MUC4: variants seen among roughly 807,000 people sequenced by gnomAD.
MUC4 encodes the protein mucin-4.
MUC4 carries 202 observed loss-of-function variants against 257.9 expected under a neutral mutation model. The observed-to-expected ratio is 0.78, with a 90% CI of 0.70 to 0.88. MUC4 has a LOEUF of 0.88. MUC4 is among the 40% of genes least tolerant of loss of function. The pLI is 0.00. For synonymous variants in MUC4, 2,351 were observed against 2,757.1 expected (o/e 0.85, Z 4.62); for missense variants, 5,976 against 6,513.7 (o/e 0.92, Z 2.84).
chr3:195,786,450 G>T lies in MUC4; in HGVS notation c.5130C>A (p.Ala1710=). The T allele has an allele frequency of 6.5e-7, 1 of 1,531,102 alleles. No individual in the cohort carries two copies. Among genetic ancestry groups the T allele is most frequent in the South Asian group, 1.2e-5 (1 of 83,240 alleles). 94.8% of individuals were successfully genotyped at this position (1,531,102 alleles called of 1,614,324 possible). Residue 1710 remains alanine (A), a synonymous_variant, in exon 2 of 25, where the codon GCC becomes GCA. Transcript: ENST00000463781. ...AAAGGCTGGTGACAGGAAGAGGGGT[G>T]GCCTGACCTGTGGATGCCGAGGAAA... ...TDVSSASTGQ[A]TPLPVTSLSS... is the part of the protein sequence containing the mutation.
chr3:195,777,808 ACCC>A, intron 3 of MUC4, among the ~76,000 whole-genome samples: 4 of 39,904 alleles, frequency 1.0e-4, no homozygotes, highest in South Asian at 9.2e-4. Context: ...TACCTTCCAC[ACCC>A]ATACCTTCCA....
chr3:195,757,716 G>C lies in MUC4; in HGVS notation c.14987-388C>G, dbSNP rs994858488. On this transcript the variant is annotated intron_variant, in intron 17 of 24. Coordinates refer to ENST00000463781, the MANE Select transcript of MUC4 (RefSeq NM_018406.7). This position sits in a 1 kb window ranked among gnomAD's most constrained non-coding sequence, Gnocchi z 4.8. ...CCGGCCAAACTGGCTTCACTCTCAC[G>C]GCAGCCCCATCCTTTGCCCTGATTT... is the stretch of plus-strand genomic sequence containing the variant. Among the ~76,000 whole-genome samples, 4 of 152,038 alleles carry C rather than the reference G, an allele frequency of 2.6e-5. No individual in the cohort carries two copies. The highest frequency in any genetic ancestry group is 5.9e-5 in the Non-Finnish European group (4 of 68,002).
chr3:195,750,859 C>T, intron 23 of MUC4, 30 bp downstream of exon 23: 1 of 1,604,786 alleles, frequency 6.2e-7, no homozygotes, highest in Non-Finnish European at 8.5e-7. Flanking sequence ...GCAGTGACCC[C>T]CATAGTGTCC....
chr3:195,794,373 TAGAGAG>T (rs6148255), intron 1 of MUC4, among the ~76,000 whole-genome samples: 1 of 148,794 alleles, frequency 6.7e-6, no homozygotes, highest in African/African-American at 2.5e-5. Flanking sequence ...CATATATATA[TAGAGAG>T]AGAGAGAGAG....
rs191025934 is a variant in MUC4, at chr3:195,799,292, G to C, written c.83-7795C>G. ...GTGTGTGTGTGTCCCTGCCCTTATG[G>C]AACATTGGACATAGCCTTTAAACAT... On this transcript the variant is annotated intron_variant, in intron 1 of 24. Transcript: ENST00000463781. Among the ~76,000 whole-genome samples, 292 of 146,966 alleles carry C rather than the reference G, an allele frequency of 2.0e-3. 1 individual carries two copies. Among genetic ancestry groups the C allele is most frequent in the African/African-American group, 7.2e-3 (287 of 39,886 alleles).
chr3:195,807,666 A>C (rs530491349), intron 1 of MUC4, among the ~76,000 whole-genome samples: 2 of 152,304 alleles, frequency 1.3e-5, no homozygotes, highest in South Asian at 4.1e-4. Flanking sequence ...GGGGAGAGAG[A>C]GCCTATAAGG....
At position 195,753,035 on chromosome 3, in the gene MUC4, G is replaced by A; in HGVS notation, c.15508+16C>T. 2.5e-6 allele frequency: 4 copies of A among 1,606,752 alleles called. No homozygotes were observed. Among genetic ancestry groups the A allele is most frequent in the Non-Finnish European group, 3.4e-6 (4 of 1,176,886 alleles). On this transcript the variant is annotated intron_variant, in intron 20 of 24. Transcript: ENST00000463781. ...GGAAGAGTGCGGGGGTGAGAGGGCG[G>A]GGTCTCTGGCGGTACCTAGGTTGAC... is the stretch of plus-strand genomic sequence containing the variant.
At position 195,810,956 on chromosome 3, in the gene MUC4, G is replaced by T. The variant is rs951583358; in HGVS notation, c.82+780C>A. 4.0e-5 allele frequency among the ~76,000 whole-genome samples: 6 copies of T among 151,716 alleles called. No homozygotes were observed. The highest frequency in any genetic ancestry group is 8.8e-5 in the Non-Finnish European group (6 of 67,976). ...TCTGGCTCTGCCTGTCTTTCTCTCT[G>T]CGAGTAAGCCTGGGCTCTCACCATG... is the stretch of plus-strand genomic sequence containing the variant. On this transcript the variant is annotated intron_variant, in intron 1 of 24. Coordinates refer to ENST00000463781, the MANE Select transcript of MUC4 (RefSeq NM_018406.7). This position sits in a 1 kb window ranked among gnomAD's most constrained non-coding sequence, Gnocchi z 4.2.
intron 16 of MUC4, among the ~76,000 whole-genome samples, chr3:195,760,056 C>T (rs1314978194): frequency 6.6e-6 from 1 of 152,168 alleles, no homozygotes; most frequent in Non-Finnish European, 1.5e-5. Context: ...ATAGTTGCTT[C>T]ACACATTCAT....
Position 195,754,202 on chromosome 3 carries a change from T to C in MUC4, c.15328+11A>G, listed in dbSNP as rs1262455562. The stretch of plus-strand genomic sequence containing the variant: ...CAGAAGCGCCTGCTCCAGGCCCTGT[T>C]CCCGGCTCACCCGCACAGTGCCGCC... On this transcript the variant is annotated intron_variant, in intron 19 of 24. Coordinates refer to ENST00000463781, the MANE Select transcript of MUC4 (RefSeq NM_018406.7). The C allele has an allele frequency of 2.5e-6, 4 of 1,607,060 alleles. No individual in the cohort carries two copies. Among genetic ancestry groups the C allele is most frequent in the East Asian group, 4.5e-5 (2 of 44,574 alleles).
chr3:195,794,513 C>A (rs936686401), intron 1 of MUC4, among the ~76,000 whole-genome samples: 4 of 152,172 alleles, frequency 2.6e-5, no homozygotes, highest in African/African-American at 9.7e-5. Flanking sequence ...CAGGCACACA[C>A]AACCATGCCT....
rs540993686 is a variant in MUC4, at chr3:195,769,150, G to T, written c.13401C>A (p.Ser4467Arg). The change falls in exon 7 of 25, where the codon AGC (serine) becomes AGA (arginine). Residue 4467 changes from serine to arginine, a missense_variant and splice_region_variant. Physicochemically the swap from Ser to Arg is moderately radical, Grantham distance 110. This residue lies in a region of MUC4 where 996 missense variants were observed against 1,137.3 expected (regional missense o/e 0.88). Coordinates refer to ENST00000463781, the MANE Select transcript of MUC4 (RefSeq NM_018406.7). ...TGGAGAGGATGGCTTGGTAGGTGTT[G>T]CTCTGGGGGTGGGTGGAAGAAAACA... ...HAYPAQWTLG[S>R]NTYQAILSTD... 1.2e-6 allele frequency: 2 copies of T among 1,614,036 alleles called. No individual in the cohort carries two copies. The highest frequency in any genetic ancestry group is 2.7e-5 in the African/African-American group (2 of 75,052).
In MUC4 at chr3:195,789,272, T is replaced by C; in HGVS notation, c.2308A>G (p.Met770Val). ...CTCTCAGCCTGGTGGGTATGGGTCATGGCTGCTGCTGTGTCAGGTGAGGTG... is the reference window on the plus strand; with the variant it reads ...CTCTCAGCCTGGTGGGTATGGGTCACGGCTGCTGCTGTGTCAGGTGAGGTG... The part of the protein sequence containing the change: ...ASTSPDTAAA[M>V]THTHQAESTE... The change falls in exon 2 of 25, where the codon ATG becomes GTG. Residue 770 changes from methionine to valine, a missense_variant. This residue lies in a region of MUC4 where 1,583 missense variants were observed against 1,257.4 expected (regional missense o/e 1.26). Transcript: ENST00000463781. 6.2e-7 allele frequency: 1 copy of C among 1,613,958 alleles called. No homozygotes were observed. The highest frequency in any genetic ancestry group is 8.5e-7 in the Non-Finnish European group (1 of 1,179,868).
Position 195,760,605 on chromosome 3 carries a change from A to C in MUC4, c.14848+279T>G, listed in dbSNP as rs9714060. Among the ~76,000 whole-genome samples, 16 of 28,676 alleles carry C rather than the reference A, an allele frequency of 5.6e-4. No homozygotes were observed. The South Asian group carries it at 0.014, about 26-fold the overall frequency. The allele number at this position is 28,676 out of a possible 152,430, so 18.8% of individuals were successfully genotyped here. ...AGGCGTCCAGCGCTAGTATGGAGTG[A>C]AGGGGGCTGGGAAGGCATCCAGCGC... On this transcript the variant is annotated intron_variant, in intron 16 of 24. Transcript: ENST00000463781.
At position 195,778,927 on chromosome 3, in the gene MUC4, G is replaced by A; in HGVS notation, c.12653C>T (p.Ser4218Phe). 1 of 1,518,222 alleles carries A rather than the reference G, an allele frequency of 6.6e-7. No individual in the cohort carries two copies. 94.0% of individuals were successfully genotyped at this position (1,518,222 alleles called of 1,614,324 possible). ...PLPVTDTSSA[S>F]TGHATPLPVT... ...AGGAAGAGGGGTGGCGTGACCTGTG[G>A]ATGCTGAGGAAGTGTCGGTGACAGG... The change falls in exon 2 of 25, where the codon TCC becomes TTC. Residue 4218 changes from serine (S) to phenylalanine (F), a missense_variant. By Grantham distance (155) the Ser-to-Phe change is radical. Coordinates refer to ENST00000463781, the MANE Select transcript of MUC4 (RefSeq NM_018406.7).
At chr3:195,767,681 T>C (rs1560263316) in intron 7 of MUC4, among the ~76,000 whole-genome samples, 15 of 1,076 alleles carry the variant, frequency 0.014, 1 homozygote, top group Admixed American at 0.025. Flanking sequence ...ATCACCACCA[T>C]CACTGGCCAC....
In MUC4 at chr3:195,779,774, G is replaced by T. The variant is rs767738374; in HGVS notation, c.11806C>A (p.Pro3936Thr). 4 of 1,086,662 alleles carry T rather than the reference G, an allele frequency of 3.7e-6. 1 individual carries two copies. Among genetic ancestry groups the T allele is most frequent in the Admixed American group, 5.3e-5 (2 of 37,668 alleles). The allele number at this position is 1,086,662 out of a possible 1,614,324, so 67.3% of individuals were successfully genotyped here. A position where few individuals can be genotyped will look rare whatever the true frequency, so the allele number is the denominator to read the frequency against. The change falls in exon 2 of 25, where the codon CCT becomes ACT. Residue 3936 changes from proline (P) to threonine (T), a missense_variant. By Grantham distance (38) the Pro-to-Thr change is conservative (BLOSUM62 -1). Coordinates refer to ENST00000463781, the MANE Select transcript of MUC4 (RefSeq NM_018406.7). ...VSSASTGHAT[P>T]LPVTSTSSAS... ...GAGGAAGTGCTGGTGACAGGAAGAG[G>T]GGTGGCATGTCCTGTGGATGCCGAG...
Position 195,755,653 on chromosome 3 carries a change from C to T in MUC4, c.15169-1281G>A, listed in dbSNP as rs999548819. On this transcript the variant is annotated intron_variant, in intron 18 of 24. Coordinates refer to ENST00000463781, the MANE Select transcript of MUC4 (RefSeq NM_018406.7). The surrounding 1 kb of genome is among the most constrained non-coding windows in gnomAD (Gnocchi z 5.0). ...TTCTAACTCCCTTACTGAAGCGACT[C>T]GGGGAATCTCCCTAAAATGGAATCC... Among the ~76,000 whole-genome samples, 6 of 152,110 alleles carry T rather than the reference C, an allele frequency of 3.9e-5. No homozygotes were observed. Among genetic ancestry groups the T allele is most frequent in the Non-Finnish European group, 7.3e-5 (5 of 68,028 alleles).
chr3:195,778,427 G>A lies in MUC4; in HGVS notation c.12819C>T (p.Asp4273=), dbSNP rs766537013. ...PGMTTPSLKT[D]GGRRTATSPP... ...GTGATGTGGCTGTGCGTCTCCCACC[G>A]TCTGTCTTCAGTGACGGTGTTGTCA... The change falls in exon 3 of 25, where the codon GAC becomes GAT. Residue 4273 remains aspartate (D), a synonymous_variant. Coordinates refer to ENST00000463781, the MANE Select transcript of MUC4 (RefSeq NM_018406.7). 36 of 1,612,812 alleles carry A rather than the reference G, an allele frequency of 2.2e-5. No homozygotes were observed. In the Admixed American group the frequency reaches 2.3e-4, roughly 10 times the overall value.
Sources: gnomAD v4.1 joint callset for allele counts (sites outside exome capture counted in the v4.1 genomes callset) on GRCh38, gnomAD v4.1.1 for gene constraint, gnomAD v4.1.1 regional missense constraint, Gnocchi (gnomAD v3.1) non-coding constraint, MANE v1.5 for transcripts, NCBI Gene and HGNC (gene_info 2026-07-23, HGNC 2026-07-21) for gene names.